The following IGSF11 variants were observed in gnomAD, a reference collection of about 807,000 sequenced individuals.
IGSF11 encodes immunoglobulin superfamily member 11.
IGSF11 carries 22 observed loss-of-function variants against 41.0 expected under a neutral mutation model. That is an observed-to-expected ratio of 0.54 (90% confidence interval 0.38 to 0.77). The LOEUF is 0.77. IGSF11 is among the 30% of genes least tolerant of loss of function. The probability of loss-of-function intolerance (pLI) is 0.00; values close to 1 mark genes in which losing one functional copy is unlikely to be tolerated. For missense variants in IGSF11, 444 were observed against 530.8 expected (o/e 0.84, Z 1.61); for synonymous variants, 219 against 201.3 (o/e 1.09, Z -0.74).
chr3:119,003,970 G>C (rs569636253), intron 1 of IGSF11, among the ~76,000 whole-genome samples: 2 of 151,286 alleles, frequency 1.3e-5, no homozygotes, highest in African/African-American at 4.9e-5. Context: ...GAATGATGTT[G>C]GCCTCATAAA....
chr3:118,940,532 T>G (rs1025094421), intron 1 of IGSF11, among the ~76,000 whole-genome samples: 2 of 152,102 alleles, frequency 1.3e-5, no homozygotes, highest in Non-Finnish European at 2.9e-5. Context: ...ATTTAAAGAC[T>G]TTACTGCCTG....
At chr3:118,957,152 C>G (rs1214776859) in intron 1 of IGSF11, among the ~76,000 whole-genome samples, 1 of 152,098 alleles carries the variant, frequency 6.6e-6, no homozygotes. Flanking sequence ...TGAGACTTGT[C>G]AACTCAGACA....
intron 1 of IGSF11, among the ~76,000 whole-genome samples, chr3:119,112,491 G>A (rs188436568): frequency 2.4e-4 from 36 of 152,252 alleles, no homozygotes; most frequent in East Asian, 9.7e-4. Flanking sequence ...TCCAGGTGCC[G>A]TCTGTCACCC....
intron 1 of IGSF11, among the ~76,000 whole-genome samples, chr3:118,988,726 C>T (rs115902625): frequency 4.4e-4 from 67 of 152,194 alleles, no homozygotes; most frequent in African/African-American, 1.5e-3. Flanking sequence ...CTCAAAGCAA[C>T]TATTTGCTTA....
At position 119,029,273 on chromosome 3, in the gene IGSF11, CA is replaced by C. The variant is rs1433395499; in HGVS notation, c.52+5257del. Among the ~76,000 whole-genome samples, 134 of 138,474 alleles carry C rather than the reference CA, an allele frequency of 9.7e-4. 1 individual carries two copies. Among genetic ancestry groups the C allele is most frequent in the African/African-American group, 3.0e-3 (118 of 38,980 alleles). 90.8% of individuals were successfully genotyped at this position (138,474 alleles called of 152,430 possible). Reference sequence around the variant, plus strand: ...ACACACACACACACACACACACACACACCCGAGAGAGAGAGAGAATGCGAGA... The same window carrying C: ...ACACACACACACACACACACACACACCCCGAGAGAGAGAGAGAATGCGAGA... On this transcript the variant is annotated intron_variant, in intron 1 of 6. Transcript: ENST00000393775.
chr3:119,139,450 A>T (rs2077609646), intron 1 of IGSF11, among the ~76,000 whole-genome samples: 1 of 152,210 alleles, frequency 6.6e-6, no homozygotes, highest in African/African-American at 2.4e-5. Context: ...AAATAATTGA[A>T]TCACAGGGGT....
rs77103630 is a variant in IGSF11 at position 119,028,369 on chromosome 3, C to T, written c.52+6162G>A. Among the ~76,000 whole-genome samples, 33 of 152,236 alleles carry T rather than the reference C, an allele frequency of 2.2e-4. No individual in the cohort carries two copies. In the East Asian group the frequency reaches 6.4e-3, roughly 29 times the overall value. ...GCTCCTATTTCTAGAAAAGTGTCTC[C>T]AGTACTTTGTATATAGTAATGTAGG... On this transcript the variant is annotated intron_variant, in intron 1 of 6. Coordinates refer to ENST00000393775, the MANE Select transcript of IGSF11 (RefSeq NM_001015887.3).
rs1400654169 is a variant in IGSF11, at chr3:119,050,480, A to T, written c.49+54664T>A. Among the ~76,000 whole-genome samples, 5 of 152,048 alleles carry T rather than the reference A, an allele frequency of 3.3e-5. No individual in the cohort carries two copies. The East Asian group carries it at 5.8e-4, about 18-fold the overall frequency. ...CACACCAGTTAGAATGGCGATCATT[A>T]AAAAGTCAGGAAACAACAGGTGCTG... On this transcript the variant is annotated intron_variant, in intron 1 of 6. Transcript: ENST00000354673.
intron 1 of IGSF11, among the ~76,000 whole-genome samples, chr3:118,981,500 A>G (rs1934711538): frequency 6.6e-6 from 1 of 151,934 alleles, no homozygotes; most frequent in Non-Finnish European, 1.5e-5. Context: ...AATTTCTTTC[A>G]TATCAGAAGG....
chr3:119,087,307 T>C (rs2076691615), intron 1 of IGSF11, among the ~76,000 whole-genome samples: 1 of 151,492 alleles, frequency 6.6e-6, no homozygotes, highest in African/African-American at 2.4e-5. Context: ...CAATCTGCAA[T>C]TGCAAAAATA....
chr3:119,048,996 T>C (rs1445505438), intron 1 of IGSF11, among the ~76,000 whole-genome samples: 12 of 151,868 alleles, frequency 7.9e-5, no homozygotes, highest in Non-Finnish European at 1.5e-4. Flanking sequence ...TGGGACGTAT[T>C]TCAAAATAAT....
intron 1 of IGSF11, among the ~76,000 whole-genome samples, chr3:119,094,863 GC>G (rs2076824520): frequency 6.6e-6 from 1 of 151,890 alleles, no homozygotes; most frequent in South Asian, 2.1e-4. Context: ...GTAGAGATGA[GC>G]TTTCACCACA....
chr3:119,063,355 C>T (rs1942113198), intron 1 of IGSF11, among the ~76,000 whole-genome samples: 2 of 152,140 alleles, frequency 1.3e-5, no homozygotes, highest in African/African-American at 4.8e-5. Context: ...ATTTTTGGAA[C>T]AGGTGAAAAA....
intron 4 of IGSF11, among the ~76,000 whole-genome samples, chr3:118,923,785 A>G (rs528339944): frequency 2.6e-5 from 4 of 152,264 alleles, no homozygotes; most frequent in Non-Finnish European, 4.4e-5. Context: ...AATGAGATTT[A>G]GGTTATGTGT....
chr3:119,073,398 G>A (rs969480078), intron 1 of IGSF11, among the ~76,000 whole-genome samples: 1 of 152,208 alleles, frequency 6.6e-6, no homozygotes, highest in South Asian at 2.1e-4. Flanking sequence ...CCGCGCATCT[G>A]CACTCCTCAG....
At position 119,023,880 on chromosome 3, in the gene IGSF11, A is replaced by G. The variant is rs1256089209; in HGVS notation, c.52+10651T>C. On this transcript the variant is annotated intron_variant, in intron 1 of 6. Transcript: ENST00000393775. ...ATGGTCTTCATCATCATCAGTTTAT[A>G]GAATATTTGTTAGACACTGAAGGAG... 3.3e-5 allele frequency among the ~76,000 whole-genome samples: 5 copies of G among 152,322 alleles called. No homozygotes were observed. The East Asian group carries it at 7.7e-4, about 23-fold the overall frequency.
intron 1 of IGSF11, among the ~76,000 whole-genome samples, chr3:119,126,820 A>G (rs935132517): frequency 3.5e-5 from 5 of 143,552 alleles, no homozygotes; most frequent in African/African-American, 7.3e-5. Context: ...AGAAAGTGAC[A>G]ACAACAGCAT....
chr3:119,085,536 A>G (rs1410854778), intron 1 of IGSF11, among the ~76,000 whole-genome samples: 1 of 152,204 alleles, frequency 6.6e-6, no homozygotes, highest in Admixed American at 6.5e-5. Context: ...GTTCTTAACC[A>G]ATCTGAAATG....
intron 1 of IGSF11, among the ~76,000 whole-genome samples, chr3:118,931,057 T>A (rs1576401854): frequency 6.6e-6 from 1 of 152,316 alleles, no homozygotes; most frequent in East Asian, 1.9e-4. Flanking sequence ...TTGAGAGTAC[T>A]GAAATAAATC....
Sources: allele counts gnomAD v4.1 joint callset (sites outside exome capture counted in the v4.1 genomes callset), GRCh38; gene constraint gnomAD v4.1.1; transcripts MANE v1.5; gene names NCBI Gene and HGNC (gene_info 2026-07-23, HGNC 2026-07-21).